Variants in FOXP1 observed in about 807,000 individuals in gnomAD.
FOXP1 encodes forkhead box protein P1.
A neutral mutation model predicts 98.2 loss-of-function variants in FOXP1; 15 were observed. The observed-to-expected ratio is 0.15, with a 90% confidence interval of 0.10 to 0.24. The LOEUF is 0.24. FOXP1 is among the 10% of genes least tolerant of loss of function. The pLI, the probability that FOXP1 is intolerant of heterozygous loss-of-function variation, is 1.00. For missense variants in FOXP1, 633 were observed against 848.5 expected, an observed-to-expected ratio of 0.75 and a Z score of 3.15; for synonymous variants, 371 against 314.5, an observed-to-expected ratio of 1.18 and a Z score of -1.90.
At chr3:71,382,924 G>A (rs899425334) in intron 3 of FOXP1, among the ~76,000 whole-genome samples, 2 of 152,206 alleles carry the variant, frequency 1.3e-5, no homozygotes, top group Admixed American at 1.3e-4. Context: ...CAGGCCTTGG[G>A]AGCCACTGTT....
At chr3:71,088,572 T>C (rs1265046680) in intron 7 of FOXP1, among the ~76,000 whole-genome samples, 1 of 152,154 alleles carries the variant, frequency 6.6e-6, no homozygotes, top group Non-Finnish European at 1.5e-5. Context: ...TCTATTTGAG[T>C]TGCGTAAAGG....
chr3:70,980,649 C>A (rs1238198745), intron 14 of FOXP1, among the ~76,000 whole-genome samples: 1 of 152,190 alleles, frequency 6.6e-6, no homozygotes, highest in Non-Finnish European at 1.5e-5. Flanking sequence ...TTTCATTTTT[C>A]TGTATGCTCA....
chr3:71,091,124 T>TGG (rs1685292841), intron 7 of FOXP1, among the ~76,000 whole-genome samples: 1 of 138,040 alleles, frequency 7.2e-6, no homozygotes. Context: ...TGTGTGTGTG[T>TGG]GTGTGTGTAT....
intron 2 of FOXP1, among the ~76,000 whole-genome samples, chr3:71,563,134 G>A (rs1384054335): frequency 6.6e-6 from 1 of 152,180 alleles, no homozygotes; most frequent in African/African-American, 2.4e-5. Flanking sequence ...TGGCCAGGGA[G>A]TGGCTGGGGA....
chr3:71,294,096 T>C (rs2073037831), intron 5 of FOXP1, among the ~76,000 whole-genome samples: 1 of 152,214 alleles, frequency 6.6e-6, no homozygotes, highest in South Asian at 2.1e-4. Flanking sequence ...TATTTGTTGT[T>C]ATCAGGGGAT....
At chr3:71,237,345 T>C (rs569519663) in intron 5 of FOXP1, among the ~76,000 whole-genome samples, 1 of 151,698 alleles carries the variant, frequency 6.6e-6, no homozygotes, top group Non-Finnish European at 1.5e-5. Flanking sequence ...ATAGTTAACC[T>C]TCTTTCTTCT....
chr3:71,107,699 T>A (rs2057554162), intron 7 of FOXP1, among the ~76,000 whole-genome samples: 2 of 152,184 alleles, frequency 1.3e-5, no homozygotes, highest in African/African-American at 2.4e-5. Flanking sequence ...TTCAAAACCA[T>A]TCCATTTCAC....
In FOXP1 at chr3:71,397,036, G is replaced by GTA. The variant is rs1157240943; in HGVS notation, c.-167-37794_-167-37793dup. On this transcript the variant is annotated intron_variant, in intron 3 of 20. Transcript: ENST00000649528. ...TATATATATATATACATATATATGT[G>GTA]TATATATATATACACATATATATGT... is the stretch of plus-strand genomic sequence containing the variant. Among the ~76,000 whole-genome samples, 220 of 39,106 alleles carry GTA rather than the reference G, an allele frequency of 5.6e-3. 37 individuals carry two copies. Among genetic ancestry groups the GTA allele is most frequent in the Non-Finnish European group, 0.01 (154 of 15,326 alleles). 25.7% of individuals were successfully genotyped at this position (39,106 alleles called of 152,430 possible).
At chr3:71,125,548 G>C (rs2059107050) in intron 6 of FOXP1, among the ~76,000 whole-genome samples, 1 of 152,174 alleles carries the variant, frequency 6.6e-6, no homozygotes, top group African/African-American at 2.4e-5. Context: ...TGATTGGTTT[G>C]GTTGAGGAAT....
intron 5 of FOXP1, among the ~76,000 whole-genome samples, chr3:71,262,859 A>G (rs114541599): frequency 0.02 from 2,978 of 152,328 alleles, 96 homozygotes; most frequent in African/African-American, 0.069. Flanking sequence ...CCTCACTTAC[A>G]TGATCTGACC....
chr3:71,185,993 A>G (rs185145307), intron 6 of FOXP1, among the ~76,000 whole-genome samples: 202 of 152,340 alleles, frequency 1.3e-3, no homozygotes, highest in East Asian at 2.1e-3. Context: ...CATCTCTTCT[A>G]CAGTTTATCT....
intron 4 of FOXP1, among the ~76,000 whole-genome samples, chr3:71,300,849 T>G (rs1183504621): frequency 1.3e-5 from 2 of 152,252 alleles, no homozygotes; most frequent in African/African-American, 4.8e-5. Context: ...ATGAAGTGGT[T>G]TAATTTTATA....
At chr3:71,361,541 A>C (rs113658437) in intron 3 of FOXP1, among the ~76,000 whole-genome samples, 2,047 of 152,328 alleles carry the variant, frequency 0.013, 41 homozygotes, top group African/African-American at 0.043. Flanking sequence ...ACTCGATTGC[A>C]GGTTTGGCAA....
At chr3:71,128,150 C>T (rs1310543626) in intron 6 of FOXP1, among the ~76,000 whole-genome samples, 2 of 152,146 alleles carry the variant, frequency 1.3e-5, no homozygotes, top group Non-Finnish European at 2.9e-5. Flanking sequence ...GTGCTAGAAT[C>T]ACGCACATCA....
intron 7 of FOXP1, among the ~76,000 whole-genome samples, chr3:71,099,382 C>T (rs568722690): frequency 2.6e-5 from 4 of 152,092 alleles, no homozygotes; most frequent in Admixed American, 1.3e-4. Context: ...CGTGGTGGTG[C>T]GCCCCTGTAA....
rs142951543 is a variant in FOXP1 at position 71,235,746 on chromosome 3, T to G, written c.-11-37354A>C. ...CATGCCCGGCTAATTTTTTGCATTT[T>G]TAGTAGAGATGGGGTTTCACCGTGT... On this transcript the variant is annotated intron_variant, in intron 5 of 20. Coordinates refer to ENST00000649528, the MANE Select transcript of FOXP1 (RefSeq NM_001349338.3). Among the ~76,000 whole-genome samples the G allele has an allele frequency of 3.2e-4, 49 of 152,248 alleles. No individual in the cohort carries two copies. The East Asian group carries it at 9.5e-3, about 29-fold the overall frequency.
intron 10 of FOXP1, among the ~76,000 whole-genome samples, 198 bp from the exon 11 acceptor site, chr3:71,041,730 T>C (rs774583745): frequency 2.6e-5 from 4 of 152,080 alleles, no homozygotes; most frequent in Non-Finnish European, 4.4e-5. Context: ...TGAGTGGAAG[T>C]TGCCCTCATC....
rs773975521 is a variant in FOXP1 at position 70,959,433 on chromosome 3, C to T, written c.1890-42G>A. On this transcript the variant is annotated intron_variant, in intron 20 of 20. Coordinates refer to ENST00000649528, the MANE Select transcript of FOXP1 (RefSeq NM_001349338.3). ...GAGGTTCAGTGAGGGTACTTCCCAG[C>T]CCATTGCAGCTCAGGTGCACTGAAA... is the stretch of plus-strand genomic sequence containing the variant. 3.2e-5 allele frequency: 52 copies of T among 1,612,580 alleles called. No homozygotes were observed. In the Admixed American group the frequency reaches 8.3e-4, roughly 26 times the overall value.
At chr3:71,162,512 A>G (rs1366657389) in intron 6 of FOXP1, among the ~76,000 whole-genome samples, 5 of 152,246 alleles carry the variant, frequency 3.3e-5, no homozygotes. Context: ...ATAACTGCCC[A>G]TTCCAATCCA....
Sources: allele counts gnomAD v4.1 joint callset (sites outside exome capture counted in the v4.1 genomes callset), GRCh38; gene constraint gnomAD v4.1.1; transcripts MANE v1.5; gene names NCBI Gene and HGNC (gene_info 2026-07-23, HGNC 2026-07-21).